The following CACNA1I variants were observed in gnomAD, a reference collection of about 807,000 sequenced individuals.
The protein encoded by CACNA1I is voltage-dependent T-type calcium channel subunit alpha-1I.
A neutral mutation model predicts 201.6 loss-of-function variants in CACNA1I; 74 were observed. The ratio of observed to expected loss-of-function variants is 0.37; its 90% CI spans 0.30 to 0.45. The LOEUF (loss-of-function observed/expected upper bound fraction) is 0.45. CACNA1I is among the 20% of genes least tolerant of loss of function. The pLI is 1.00. For missense variants in CACNA1I, 2,346 were observed against 3,138.1 expected (o/e 0.75, Z 6.03); for synonymous variants, 1,431 against 1,345.2 (o/e 1.06, Z -1.40).
At chr22:39,669,244 G>A (rs1017399525) in intron 24 of CACNA1I, among the ~76,000 whole-genome samples, 3 of 152,216 alleles carry the variant, frequency 2.0e-5, no homozygotes, top group Admixed American at 2.0e-4. Context: ...GGCTTCATGG[G>A]TCCCACCCAG....
chr22:39,618,357 T>G (rs551842017), intron 3 of CACNA1I, among the ~76,000 whole-genome samples: 5 of 146,804 alleles, frequency 3.4e-5, no homozygotes, highest in Non-Finnish European at 6.0e-5. Context: ...GGGTGTGTGG[T>G]TGTGTGCGTG....
Position 39,658,191 on chromosome 22 carries a change from G to GTCTT in CACNA1I, c.2033_2036dup (p.Thr680LeufsTer24). 1 of 1,613,976 alleles carries GTCTT rather than the reference G, an allele frequency of 6.2e-7. No individual in the cohort carries two copies. Among genetic ancestry groups the GTCTT allele is most frequent in the Non-Finnish European group, 8.5e-7 (1 of 1,179,868 alleles). ...CAACATCCTGGAGATCTGCAATGTG[G>GTCTT]TCTTCACCAGCATGTTTGCCCTGGA... On this transcript the variant is annotated frameshift_variant, in exon 11 of 37. Transcript: ENST00000402142. LOFTEE classifies it high-confidence loss of function.
Position 39,665,773 on chromosome 22 carries a change from C to T in CACNA1I, c.3979-108C>T, listed in dbSNP as rs186246908. The stretch of plus-strand genomic sequence containing the variant: ...CCAGGGAGGGAGACAGACATGGGCC[C>T]AGATGACTGAGCACAAGACAGTCTG... On this transcript the variant is annotated intron_variant, in intron 22 of 36. Transcript: ENST00000402142. The surrounding 1 kb of genome is among the most constrained non-coding windows in gnomAD (Gnocchi z 5.5). 9.6e-5 allele frequency: 149 copies of T among 1,554,380 alleles called. No individual in the cohort carries two copies. The African/African-American group carries it at 1.7e-3, about 18-fold the overall frequency.
At chr22:39,613,749 G>T (rs960205585) in intron 3 of CACNA1I, among the ~76,000 whole-genome samples, 1 of 152,176 alleles carries the variant, frequency 6.6e-6, no homozygotes, top group Non-Finnish European at 1.5e-5. Context: ...GGCCTGCTCC[G>T]GCCTTGCCGG....
At chr22:39,672,372 A>G in intron 27 of CACNA1I, 64 bp downstream of exon 27, 2 of 1,125,224 alleles carry the variant, frequency 1.8e-6, no homozygotes, top group Non-Finnish European at 2.7e-6. Flanking sequence ...AGCAGTCCTG[A>G]CCCTTAGGGA....
At chr22:39,588,748 A>G (rs1932788479) in intron 1 of CACNA1I, among the ~76,000 whole-genome samples, 1 of 152,122 alleles carries the variant, frequency 6.6e-6, no homozygotes, top group Non-Finnish European at 1.5e-5. Flanking sequence ...GAACATCTCC[A>G]GTCCTGGAAG....
chr22:39,652,587 T>C (rs1201558481), intron 10 of CACNA1I, among the ~76,000 whole-genome samples: 3 of 152,124 alleles, frequency 2.0e-5, no homozygotes, highest in Admixed American at 6.5e-5. Context: ...AGAGAGCAAA[T>C]AGATCACATA....
chr22:39,673,834 A>G (rs1481431455), intron 28 of CACNA1I, 129 bp from the exon 29 acceptor site: 2 of 774,918 alleles, frequency 2.6e-6, no homozygotes, highest in Middle Eastern at 3.8e-4. Context: ...GTGGTATCTG[A>G]GAGCCAGACT....
intron 3 of CACNA1I, among the ~76,000 whole-genome samples, chr22:39,608,205 G>A (rs1023173710): frequency 1.8e-4 from 28 of 152,068 alleles, no homozygotes; most frequent in African/African-American, 5.8e-4. Flanking sequence ...CTGTTTGGGC[G>A]GCAGGAGAAT....
At chr22:39,628,318 G>A (rs901444327) in intron 4 of CACNA1I, among the ~76,000 whole-genome samples, 1 of 152,154 alleles carries the variant, frequency 6.6e-6, no homozygotes, top group Non-Finnish European at 1.5e-5. Context: ...CCAGTGGGAC[G>A]CCTGATCTGA....
intron 3 of CACNA1I, among the ~76,000 whole-genome samples, chr22:39,605,878 G>C (rs1320578384): frequency 6.6e-6 from 1 of 152,106 alleles, no homozygotes; most frequent in Non-Finnish European, 1.5e-5. Context: ...GGGGATGCTG[G>C]AGCCCAGGGT....
At chr22:39,623,250 T>G (rs1474242629) in intron 4 of CACNA1I, among the ~76,000 whole-genome samples, 1 of 150,552 alleles carries the variant, frequency 6.6e-6, no homozygotes, top group Non-Finnish European at 1.5e-5. Flanking sequence ...TGTGCACGAG[T>G]GTGTGTGCAA....
At chr22:39,650,474 C>A (rs1934614548) in intron 10 of CACNA1I, among the ~76,000 whole-genome samples, 1 of 152,160 alleles carries the variant, frequency 6.6e-6, no homozygotes, top group Admixed American at 6.5e-5. Flanking sequence ...CTGTCCATTC[C>A]CCCCCAAACA....
intron 4 of CACNA1I, among the ~76,000 whole-genome samples, chr22:39,627,404 G>T (rs912623399): frequency 1.3e-5 from 2 of 152,244 alleles, no homozygotes; most frequent in African/African-American, 4.8e-5. Flanking sequence ...ATCCTGTGCA[G>T]ACGCCCCTGT....
rs868707169 is a variant in CACNA1I at position 39,681,063 on chromosome 22, C to T, written c.5664+11C>T. 1.2e-6 allele frequency: 2 copies of T among 1,605,512 alleles called. No individual in the cohort carries two copies. The highest frequency in any genetic ancestry group is 8.5e-7 in the Non-Finnish European group (1 of 1,177,508). ...CGCAAAGACAGCAAGGTCAGCTCCCCTGGGGACTCCTGAGCAGGCGGGTCT... is the reference window on the plus strand; with the variant it reads ...CGCAAAGACAGCAAGGTCAGCTCCCTTGGGGACTCCTGAGCAGGCGGGTCT... On this transcript the variant is annotated intron_variant, in intron 34 of 36. Transcript: ENST00000402142.
At chr22:39,635,396 A>G (rs1056064308) in intron 5 of CACNA1I, among the ~76,000 whole-genome samples, 15 of 152,046 alleles carry the variant, frequency 9.9e-5, no homozygotes, top group Admixed American at 7.2e-4. Flanking sequence ...GCCGATCCCA[A>G]ACACCTCTAG....
chr22:39,580,656 G>A (rs939963689), intron 1 of CACNA1I, among the ~76,000 whole-genome samples: 1 of 152,182 alleles, frequency 6.6e-6, no homozygotes, highest in Non-Finnish European at 1.5e-5. Flanking sequence ...TGGGGCAGGG[G>A]CTGGATGGCA....
intron 3 of CACNA1I, among the ~76,000 whole-genome samples, chr22:39,613,073 C>T (rs536312788): frequency 3.3e-5 from 5 of 152,292 alleles, no homozygotes; most frequent in African/African-American, 1.2e-4. Context: ...TGAGGAAACA[C>T]CCTATTTTTA....
chr22:39,585,242 T>C (rs1218439273), intron 1 of CACNA1I, among the ~76,000 whole-genome samples: 1 of 151,596 alleles, frequency 6.6e-6, no homozygotes, highest in Non-Finnish European at 1.5e-5. Context: ...TTTTGCATTT[T>C]AGTAGAGACA....
Sources: allele counts gnomAD v4.1 joint callset (sites outside exome capture counted in the v4.1 genomes callset), GRCh38; gene constraint gnomAD v4.1.1; non-coding constraint Gnocchi (gnomAD v3.1); transcripts MANE v1.5; gene names NCBI Gene and HGNC (gene_info 2026-07-23, HGNC 2026-07-21).